The following SOX5 variants were observed in gnomAD, a reference collection of about 807,000 sequenced individuals.
The protein encoded by SOX5 is transcription factor SOX-5.
In SOX5, 9 loss-of-function variants were observed where a neutral mutation model predicts 92.0. That is an observed-to-expected ratio of 0.10 (90% CI 0.06 to 0.17). The LOEUF (loss-of-function observed/expected upper bound fraction) is 0.17. Among genes scored for constraint, SOX5 ranks in the 10% least tolerant of loss-of-function variants. The pLI is 1.00. For synonymous variants in SOX5, 344 were observed against 336.3 expected, an observed-to-expected ratio of 1.02 and a Z score of -0.25; for missense variants, 642 against 944.5, an observed-to-expected ratio of 0.68 and a Z score of 4.20.
chr12:24,459,501 T>C (rs973413634), intron 1 of SOX5, among the ~76,000 whole-genome samples: 1 of 152,222 alleles, frequency 6.6e-6, no homozygotes, highest in Non-Finnish European at 1.5e-5. Flanking sequence ...ACGATAATCC[T>C]AAGAAGTTAT....
intron 4 of SOX5, among the ~76,000 whole-genome samples, chr12:24,042,818 T>C (rs891579075): frequency 2.6e-5 from 4 of 152,170 alleles, no homozygotes; most frequent in Admixed American, 6.5e-5. Flanking sequence ...TAGCCTTCAT[T>C]TGAGTCTCAT....
At chr12:24,367,488 T>A (rs185969699) in intron 2 of SOX5, among the ~76,000 whole-genome samples, 1 of 152,292 alleles carries the variant, frequency 6.6e-6, no homozygotes, top group East Asian at 1.9e-4. Context: ...TGGGAACAAC[T>A]CATATTTATA....
In SOX5 at chr12:24,099,564, A is replaced by AGTGAG. The variant is rs1413632759; in HGVS notation, c.-2+113774_-2+113778dup. On this transcript the variant is annotated intron_variant, in intron 4 of 4. Transcript: ENST00000446891. The stretch of plus-strand genomic sequence containing the variant: ...GAACAAAGTAGTTATTTCCTGATGT[A>AGTGAG]GTGAGTCCAGGAGGGTGACTTGGCT... 3.9e-5 allele frequency among the ~76,000 whole-genome samples: 6 copies of AGTGAG among 152,188 alleles called. No homozygotes were observed. The South Asian group carries it at 8.3e-4, about 21-fold the overall frequency.
At chr12:23,873,090 C>T (rs1227527333) in intron 2 of SOX5, among the ~76,000 whole-genome samples, 4 of 152,214 alleles carry the variant, frequency 2.6e-5, no homozygotes, top group Non-Finnish European at 5.9e-5. Flanking sequence ...TTAAAAGTTA[C>T]ATTATTTCTA....
At chr12:23,743,295 G>A (rs1483609962) in intron 4 of SOX5, among the ~76,000 whole-genome samples, 1 of 151,830 alleles carries the variant, frequency 6.6e-6, no homozygotes, top group East Asian at 1.9e-4. Context: ...GGAATTATAG[G>A]TCATTTTAAT....
At chr12:23,577,191 A>ATATATATATATTTT (rs71059907) in intron 9 of SOX5, among the ~76,000 whole-genome samples, 1 of 61,390 alleles carries the variant, frequency 1.6e-5, no homozygotes, top group Non-Finnish European at 3.2e-5. Context: ...ATATATATAT[A>ATATATATATATTTT]TTTTTTTTTT....
chr12:23,682,764 TAC>T (rs2086832543), intron 6 of SOX5, among the ~76,000 whole-genome samples: 1 of 151,786 alleles, frequency 6.6e-6, no homozygotes, highest in Non-Finnish European at 1.5e-5. Context: ...AAAAAATACA[TAC>T]ATGTATAAAA....
intron 3 of SOX5, among the ~76,000 whole-genome samples, chr12:24,247,744 G>C (rs1939157571): frequency 6.7e-6 from 1 of 149,654 alleles, no homozygotes; most frequent in Non-Finnish European, 1.5e-5. Context: ...TCTGCTTCCT[G>C]GGTTCAAGCA....
chr12:23,899,536 T>C (rs544860523), intron 1 of SOX5, among the ~76,000 whole-genome samples: 122 of 152,294 alleles, frequency 8.0e-4, no homozygotes, highest in African/African-American at 2.7e-3. Context: ...TATGCTCTTA[T>C]CCTTTAGAGA....
chr12:24,231,642 C>A (rs1963426676), intron 3 of SOX5, among the ~76,000 whole-genome samples: 2 of 152,146 alleles, frequency 1.3e-5, no homozygotes, highest in Admixed American at 1.3e-4. Context: ...TTCCTCACCA[C>A]GTTTTGTGAT....
At chr12:24,536,946 T>C (rs1475862959) in intron 1 of SOX5, among the ~76,000 whole-genome samples, 3 of 152,228 alleles carry the variant, frequency 2.0e-5, no homozygotes, top group Non-Finnish European at 1.5e-5. Flanking sequence ...TTCAAAACTG[T>C]AGAAGAGACA....
chr12:23,740,562 T>C (rs2093758455), intron 5 of SOX5, among the ~76,000 whole-genome samples: 1 of 152,204 alleles, frequency 6.6e-6, no homozygotes, highest in Admixed American at 6.5e-5. Context: ...ATGCTTCTTG[T>C]TGAAAATGTT....
chr12:23,945,041 T>A (rs937074526), intron 1 of SOX5, among the ~76,000 whole-genome samples: 4 of 152,302 alleles, frequency 2.6e-5, no homozygotes, highest in South Asian at 2.1e-4. Context: ...TCAGCCTACA[T>A]AATGCACATC....
intron 4 of SOX5, among the ~76,000 whole-genome samples, chr12:24,186,959 GAAAATGTCA>G (rs1362954019): frequency 2.0e-5 from 3 of 151,990 alleles, no homozygotes; most frequent in Non-Finnish European, 4.4e-5. Context: ...AAAAGTAGGT[GAAAATGTCA>G]ATGAAATTCT....
At chr12:24,249,290 C>T (rs1316285610) in intron 3 of SOX5, among the ~76,000 whole-genome samples, 1 of 152,194 alleles carries the variant, frequency 6.6e-6, no homozygotes, top group Non-Finnish European at 1.5e-5. Flanking sequence ...ATCACTGGTT[C>T]TAGTCTTTAA....
intron 4 of SOX5, among the ~76,000 whole-genome samples, chr12:24,149,919 A>T (rs575661128): frequency 1.3e-5 from 2 of 152,328 alleles, no homozygotes; most frequent in East Asian, 3.9e-4. Flanking sequence ...CTCCGTCACA[A>T]AAAAGAACAT....
At chr12:23,827,754 A>G (rs1240414456) in intron 3 of SOX5, among the ~76,000 whole-genome samples, 1 of 152,198 alleles carries the variant, frequency 6.6e-6, no homozygotes, top group Non-Finnish European at 1.5e-5. Flanking sequence ...ACTAAATGTG[A>G]TGGAAAGAAA....
chr12:24,341,344 G>A (rs1056791061), intron 2 of SOX5, among the ~76,000 whole-genome samples: 3 of 152,168 alleles, frequency 2.0e-5, no homozygotes, highest in South Asian at 2.1e-4. Context: ...CAGGCATGGT[G>A]GCATGTGCCT....
chr12:23,602,912 T>TTA (rs1566217583), intron 9 of SOX5, among the ~76,000 whole-genome samples: 2 of 152,122 alleles, frequency 1.3e-5, no homozygotes, highest in Non-Finnish European at 1.5e-5. Context: ...AGACCAGGCC[T>TTA]TAGATATACA....
Sources: gnomAD v4.1 joint callset for allele counts (sites outside exome capture counted in the v4.1 genomes callset) on GRCh38, gnomAD v4.1.1 for gene constraint, MANE v1.5 for transcripts, NCBI Gene and HGNC (gene_info 2026-07-23, HGNC 2026-07-21) for gene names.